The following PRKCB variants were observed in gnomAD, a reference collection of about 807,000 sequenced individuals.
PRKCB encodes protein kinase C beta type.
In PRKCB, 13 loss-of-function variants were observed where a neutral mutation model predicts 81.5. The ratio of observed to expected loss-of-function variants is 0.16; its 90% CI spans 0.10 to 0.25. The LOEUF is 0.25. Among genes scored for constraint, PRKCB ranks in the 10% least tolerant of loss-of-function variants. The pLI is 1.00. For synonymous variants in PRKCB, 335 were observed against 321.4 expected, an observed-to-expected ratio of 1.04 and a Z score of -0.45; for missense variants, 509 against 875.7, an observed-to-expected ratio of 0.58 and a Z score of 5.29.
chr16:24,034,592 A>G (rs1481224884), intron 4 of PRKCB, among the ~76,000 whole-genome samples: 1 of 152,112 alleles, frequency 6.6e-6, no homozygotes, highest in Non-Finnish European at 1.5e-5. Flanking sequence ...CATTTTATCC[A>G]CCCTGCCCTG....
chr16:23,898,854 A>G (rs542451143), intron 2 of PRKCB, among the ~76,000 whole-genome samples: 1 of 151,942 alleles, frequency 6.6e-6, no homozygotes, highest in Admixed American at 6.6e-5. Flanking sequence ...AATCATCTAA[A>G]CTCCTTGCAC....
intron 10 of PRKCB, among the ~76,000 whole-genome samples, chr16:24,169,047 C>T (rs967005620): frequency 6.6e-6 from 1 of 152,002 alleles, no homozygotes; most frequent in Non-Finnish European, 1.5e-5. Context: ...CATTCCAGCC[C>T]CTCAGTCAGT....
At chr16:23,897,984 C>T (rs537896942) in intron 2 of PRKCB, among the ~76,000 whole-genome samples, 62 of 152,046 alleles carry the variant, frequency 4.1e-4, no homozygotes, top group Admixed American at 2.6e-3. Flanking sequence ...CTGCAACCTC[C>T]GCCTCCCAGG....
intron 2 of PRKCB, among the ~76,000 whole-genome samples, chr16:23,854,048 C>G (rs1212714595): frequency 6.7e-6 from 1 of 150,328 alleles, no homozygotes; most frequent in Admixed American, 6.7e-5. Context: ...TCTCGTGAGA[C>G]TTATTCACTA....
At chr16:24,024,633 C>T (rs1448135422) in intron 3 of PRKCB, among the ~76,000 whole-genome samples, 1 of 152,190 alleles carries the variant, frequency 6.6e-6, no homozygotes, top group African/African-American at 2.4e-5. Context: ...ATAAAATTAG[C>T]AGCCTCAGCC....
intron 2 of PRKCB, among the ~76,000 whole-genome samples, chr16:23,966,010 A>G (rs1049547026): frequency 2.0e-5 from 3 of 152,234 alleles, no homozygotes; most frequent in South Asian, 2.1e-4. Flanking sequence ...GATTTTACAC[A>G]TTCGTTACAG....
intron 4 of PRKCB, among the ~76,000 whole-genome samples, chr16:24,033,865 C>T (rs1269488464): frequency 1.3e-5 from 2 of 151,982 alleles, no homozygotes; most frequent in African/African-American, 2.4e-5. Flanking sequence ...GAGACAGAGA[C>T]AGAAGCACAC....
At chr16:24,185,368 G>C (rs1967687113) in intron 14 of PRKCB, 92 bp from the exon 15 acceptor site, 1 of 1,287,906 alleles carries the variant, frequency 7.8e-7, no homozygotes, top group Non-Finnish European at 1.1e-6. Context: ...GCTTCACTGT[G>C]GGCCCCAGGG....
At chr16:24,195,356 A>C (rs1028653481) in intron 16 of PRKCB, among the ~76,000 whole-genome samples, 4 of 152,204 alleles carry the variant, frequency 2.6e-5, no homozygotes, top group Non-Finnish European at 5.9e-5. Context: ...TGCCACTTCC[A>C]AAAGGCCCAT....
intron 5 of PRKCB, among the ~76,000 whole-genome samples, chr16:24,039,291 T>C (rs552458754): frequency 6.6e-6 from 1 of 152,306 alleles, no homozygotes; most frequent in Non-Finnish European, 1.5e-5. Flanking sequence ...TGCAGTGGCA[T>C]GATCTCTGCT....
chr16:24,162,442 CTTTTTT>C (rs564543744), intron 10 of PRKCB, among the ~76,000 whole-genome samples: 2 of 68,606 alleles, frequency 2.9e-5, no homozygotes, highest in African/African-American at 1.1e-4. Flanking sequence ...ACAGAGAAGA[CTTTTTT>C]TTTTTTTTTT....
At chr16:23,953,698 A>G (rs902470731) in intron 2 of PRKCB, among the ~76,000 whole-genome samples, 3 of 151,518 alleles carry the variant, frequency 2.0e-5, no homozygotes, top group Admixed American at 2.0e-4. Flanking sequence ...GAGCACATTC[A>G]TTCATTCATT....
intron 13 of PRKCB, among the ~76,000 whole-genome samples, chr16:24,181,913 A>T (rs16973354): frequency 0.078 from 11,889 of 152,168 alleles, 568 homozygotes; most frequent in East Asian, 0.19. Flanking sequence ...AACTGATTTT[A>T]TAACACTGGT....
At chr16:23,940,078 CAAAT>C (rs1487655943) in intron 2 of PRKCB, among the ~76,000 whole-genome samples, 1 of 151,974 alleles carries the variant, frequency 6.6e-6, no homozygotes, top group Non-Finnish European at 1.5e-5. Flanking sequence ...ACACAGATGA[CAAAT>C]AAACACATGA....
chr16:23,979,741 G>T (rs1964670435), intron 2 of PRKCB, among the ~76,000 whole-genome samples: 1 of 152,156 alleles, frequency 6.6e-6, no homozygotes, highest in African/African-American at 2.4e-5. Context: ...GGGCTCTAGA[G>T]GAAGACAAAC....
At chr16:24,053,652 G>A (rs1965868873) in intron 5 of PRKCB, among the ~76,000 whole-genome samples, 1 of 152,236 alleles carries the variant, frequency 6.6e-6, no homozygotes, top group Non-Finnish European at 1.5e-5. Flanking sequence ...CAGTCACTGA[G>A]ATGGGGACAT....
At chr16:23,847,941 C>T (rs1597207745) in intron 2 of PRKCB, among the ~76,000 whole-genome samples, 2 of 152,114 alleles carry the variant, frequency 1.3e-5, no homozygotes, top group Admixed American at 6.6e-5. Flanking sequence ...CTCCTCGGAC[C>T]GGTGAAGATT....
intron 7 of PRKCB, among the ~76,000 whole-genome samples, chr16:24,105,492 C>T (rs138304377): frequency 0.044 from 6,771 of 152,194 alleles, 169 homozygotes; most frequent in Non-Finnish European, 0.06. Context: ...TTTCAAGCCC[C>T]GCATGCATTA....
intron 2 of PRKCB, among the ~76,000 whole-genome samples, chr16:23,928,446 A>C (rs1251063985): frequency 2.0e-5 from 3 of 152,086 alleles, no homozygotes; most frequent in Admixed American, 2.0e-4. Context: ...TTTACTGAGC[A>C]AGAGCTTGTG....
Sources: gnomAD v4.1 joint callset for allele counts (sites outside exome capture counted in the v4.1 genomes callset) on GRCh38, gnomAD v4.1.1 for gene constraint, MANE v1.5 for transcripts, NCBI Gene and HGNC (gene_info 2026-07-23, HGNC 2026-07-21) for gene names.